DOCK1: variants seen among roughly 807,000 people sequenced by gnomAD.
DOCK1 encodes the protein dedicator of cytokinesis 1, also known as dedicator of cytokinesis protein 1.
In DOCK1, 138 loss-of-function variants were observed where a neutral mutation model predicts 262.7. The ratio of observed to expected loss-of-function variants is 0.53; its 90% CI spans 0.46 to 0.61. The LOEUF (loss-of-function observed/expected upper bound fraction) is 0.61, where lower values mean the gene tolerates loss of function less well. DOCK1 is among the 20% of genes least tolerant of loss of function. DOCK1 has a pLI of 0.00. For missense variants in DOCK1, 1,908 were observed against 2,370.7 expected, an observed-to-expected ratio of 0.80 and a Z score of 4.05; for synonymous variants, 866 against 867.4, an observed-to-expected ratio of 1.00 and a Z score of 0.03.
intron 29 of DOCK1, among the ~76,000 whole-genome samples, chr10:127,279,112 A>G (rs1382955836): frequency 6.6e-6 from 1 of 152,232 alleles, no homozygotes; most frequent in Non-Finnish European, 1.5e-5. Context: ...GGGGGTGTGA[A>G]TCCACACACG....
intron 25 of DOCK1, among the ~76,000 whole-genome samples, chr10:127,124,293 A>T (rs1412564574): frequency 6.6e-6 from 1 of 152,218 alleles, no homozygotes; most frequent in African/African-American, 2.4e-5. Context: ...AAAATATAAA[A>T]TCCTGAAAAC....
At chr10:127,304,442 T>G (rs1461337426) in intron 29 of DOCK1, among the ~76,000 whole-genome samples, 1 of 152,232 alleles carries the variant, frequency 6.6e-6, no homozygotes, top group African/African-American at 2.4e-5. Context: ...TTCCTGAAGT[T>G]TCTTTTGTCC....
Position 127,149,323 on chromosome 10 carries a change from A to G in DOCK1, c.2847+21559A>G, listed in dbSNP as rs1200539421. Among the ~76,000 whole-genome samples the G allele has an allele frequency of 2.6e-5, 4 of 152,266 alleles. No individual in the cohort carries two copies. The East Asian group carries it at 5.8e-4, about 22-fold the overall frequency. ...GTACGCGGCAGGCTCTCACGGGCTG[A>G]TGTTTCTCACCTTTCGCTTGTCGTA... On this transcript the variant is annotated intron_variant, in intron 27 of 51. Transcript: ENST00000623213.
rs375729635 is a variant in DOCK1, at chr10:127,241,106, T to G, written c.2848-6902T>G. ...TGGAGGCCAAGGCGGGTGGATCACCTGAGATCAGGAGTTCGAGATCAGCCT... is the reference window on the plus strand; with the variant it reads ...TGGAGGCCAAGGCGGGTGGATCACCGGAGATCAGGAGTTCGAGATCAGCCT... On this transcript the variant is annotated intron_variant, in intron 27 of 51. Transcript: ENST00000623213. Among the ~76,000 whole-genome samples, 8 of 152,280 alleles carry G rather than the reference T, an allele frequency of 5.3e-5. No individual in the cohort carries two copies. The East Asian group carries it at 7.7e-4, about 15-fold the overall frequency.
At chr10:127,429,029 G>A (rs1354076038) in intron 47 of DOCK1, among the ~76,000 whole-genome samples, 3 of 145,444 alleles carry the variant, frequency 2.1e-5, no homozygotes, top group Non-Finnish European at 4.5e-5. Context: ...GGTGCCGTGT[G>A]GATTGGGGTG....
At chr10:127,113,096 T>C (rs892856570) in intron 25 of DOCK1, among the ~76,000 whole-genome samples, 1 of 152,224 alleles carries the variant, frequency 6.6e-6, no homozygotes, top group African/African-American at 2.4e-5. Flanking sequence ...CAAACTGTTT[T>C]CTGATGAGAC....
chr10:127,248,512 C>T (rs935953860), intron 28 of DOCK1, among the ~76,000 whole-genome samples: 7 of 152,150 alleles, frequency 4.6e-5, no homozygotes, highest in African/African-American at 1.7e-4. Flanking sequence ...AAGTTGTACT[C>T]CATTATTAAT....
intron 29 of DOCK1, among the ~76,000 whole-genome samples, chr10:127,261,379 G>A (rs2060101744): frequency 7.1e-6 from 1 of 141,294 alleles, no homozygotes; most frequent in African/African-American, 2.7e-5. Flanking sequence ...GCATGTGGGT[G>A]TGTGTGTACC....
intron 27 of DOCK1, among the ~76,000 whole-genome samples, chr10:127,210,536 G>A (rs2057930626): frequency 6.6e-6 from 1 of 152,244 alleles, no homozygotes; most frequent in Non-Finnish European, 1.5e-5. Flanking sequence ...AGGAGCCGAA[G>A]CAGAGGGGTT....
rs764041381 is a variant in DOCK1, at chr10:127,023,196, T to G, written c.1328-4T>G. Reference sequence around the variant, plus strand: ...TTTTAAATGTATGATTTCTCCCCCCTCAGGTGATGTTCGAAATGATATCTA... The same window carrying G: ...TTTTAAATGTATGATTTCTCCCCCCGCAGGTGATGTTCGAAATGATATCTA... On this transcript the variant is annotated splice_polypyrimidine_tract_variant and splice_region_variant and intron_variant, in intron 13 of 51. Coordinates refer to ENST00000623213, the MANE Select transcript of DOCK1 (RefSeq NM_001290223.2). The G allele has an allele frequency of 1.9e-6, 3 of 1,613,368 alleles. No homozygotes were observed. In the South Asian group the frequency reaches 3.3e-5, roughly 18 times the overall value.
intron 1 of DOCK1, among the ~76,000 whole-genome samples, chr10:126,962,460 G>A: frequency 6.8e-6 from 1 of 146,298 alleles, no homozygotes; most frequent in East Asian, 2.0e-4. Context: ...CACCCGGCCA[G>A]TTTTGGCATT....
At chr10:126,968,453 A>AT (rs2037844340) in intron 1 of DOCK1, among the ~76,000 whole-genome samples, 1 of 152,072 alleles carries the variant, frequency 6.6e-6, no homozygotes, top group Non-Finnish European at 1.5e-5. Flanking sequence ...CTCATTTCAC[A>AT]GTTAAATGTG....
chr10:127,246,258 C>G (rs1418117379), intron 27 of DOCK1, among the ~76,000 whole-genome samples: 1 of 152,190 alleles, frequency 6.6e-6, no homozygotes, highest in East Asian at 1.9e-4. Context: ...CCACACCCAG[C>G]TTTGCCATTC....
chr10:127,433,844 T>A (rs974556087), intron 48 of DOCK1, among the ~76,000 whole-genome samples: 3 of 152,100 alleles, frequency 2.0e-5, no homozygotes, highest in Non-Finnish European at 4.4e-5. Context: ...TTCTTTTTTT[T>A]TTTTTAATAG....
In DOCK1 at chr10:127,246,669, AAT is replaced by A. The variant is rs2059441568; in HGVS notation, c.2848-1338_2848-1337del. 2.6e-5 allele frequency among the ~76,000 whole-genome samples: 4 copies of A among 152,330 alleles called. No homozygotes were observed. The South Asian group carries it at 8.3e-4, about 32-fold the overall frequency. On this transcript the variant is annotated intron_variant, in intron 27 of 51. Transcript: ENST00000623213. ...CATATCATCATTATTGTGTTTGTTC[AAT>A]TTGAGTAATGCGTCCTTCGAGGACT...
At chr10:127,133,423 A>G (rs2050442982) in intron 27 of DOCK1, among the ~76,000 whole-genome samples, 1 of 152,226 alleles carries the variant, frequency 6.6e-6, no homozygotes, top group Non-Finnish European at 1.5e-5. Flanking sequence ...GGTTTTGTAT[A>G]GTCATCATAA....
At chr10:127,241,412 G>T (rs2059260377) in intron 27 of DOCK1, among the ~76,000 whole-genome samples, 1 of 151,910 alleles carries the variant, frequency 6.6e-6, no homozygotes, top group South Asian at 2.1e-4. Context: ...TTCTGTTTTT[G>T]TTTGTTTGGG....
intron 27 of DOCK1, among the ~76,000 whole-genome samples, chr10:127,154,182 T>C (rs1460590331): frequency 6.6e-6 from 1 of 152,240 alleles, no homozygotes; most frequent in African/African-American, 2.4e-5. Context: ...TATGATTTCG[T>C]TATAAGCACA....
intron 27 of DOCK1, among the ~76,000 whole-genome samples, chr10:127,195,734 A>G (rs1030609714): frequency 6.6e-6 from 1 of 152,116 alleles, no homozygotes; most frequent in Non-Finnish European, 1.5e-5. Flanking sequence ...GACGTCGCCA[A>G]AGTTGCCAGA....
Sources: allele counts gnomAD v4.1 joint callset (sites outside exome capture counted in the v4.1 genomes callset), GRCh38; gene constraint gnomAD v4.1.1; transcripts MANE v1.5; gene names NCBI Gene and HGNC (gene_info 2026-07-23, HGNC 2026-07-21).